Variants in MRTFA observed in about 807,000 individuals in gnomAD.
The protein encoded by MRTFA is myocardin-related transcription factor A.
In MRTFA, 20 loss-of-function variants were observed where a neutral mutation model predicts 83.5. The observed-to-expected ratio is 0.24, with a 90% CI of 0.17 to 0.35. MRTFA has a LOEUF of 0.35. Ranked by LOEUF, MRTFA falls within the 10% of genes least tolerant of loss-of-function variation. MRTFA has a pLI of 1.00. For synonymous variants in MRTFA, 659 were observed against 541.2 expected, an observed-to-expected ratio of 1.22 and a Z score of -3.02; for missense variants, 1,200 against 1,224.7, an observed-to-expected ratio of 0.98 and a Z score of 0.30.
intron 11 of MRTFA, among the ~76,000 whole-genome samples, 184 bp from the exon 12 acceptor site, chr22:40,419,568 TCTCA>T (rs1395094796): frequency 6.6e-6 from 1 of 152,150 alleles, no homozygotes; most frequent in African/African-American, 2.4e-5. Flanking sequence ...CTTTCATTGT[TCTCA>T]CTCTAGCAGG....
At chr22:40,489,222 A>C (rs1308638172) in intron 3 of MRTFA, among the ~76,000 whole-genome samples, 2 of 152,254 alleles carry the variant, frequency 1.3e-5, no homozygotes, top group East Asian at 1.9e-4. Flanking sequence ...GCTTCAGCCC[A>C]AAAGCAGGGA....
intron 4 of MRTFA, among the ~76,000 whole-genome samples, chr22:40,461,865 A>C (rs1405011008): frequency 1.3e-5 from 2 of 151,958 alleles, no homozygotes; most frequent in Admixed American, 1.3e-4. Flanking sequence ...CCCTGGCTCT[A>C]GCCCTGCCCA....
intron 2 of MRTFA, among the ~76,000 whole-genome samples, chr22:40,591,606 A>C (rs1236550791): frequency 1.3e-5 from 2 of 152,198 alleles, no homozygotes; most frequent in Non-Finnish European, 2.9e-5. Context: ...GTAATACTGG[A>C]GTGGGGTAAT....
In MRTFA at chr22:40,432,943, C is replaced by T. The variant is rs187909869; in HGVS notation, c.364-1463G>A. Reference sequence around the variant, plus strand: ...TCTCTAAGCCATCTGAAGCTCTGACCAGTGGCCATGACTGAGGTAGAATAT... The same window carrying T: ...TCTCTAAGCCATCTGAAGCTCTGACTAGTGGCCATGACTGAGGTAGAATAT... On this transcript the variant is annotated intron_variant, in intron 5 of 14. Transcript: ENST00000355630. Among the ~76,000 whole-genome samples, 137 of 152,304 alleles carry T rather than the reference C, an allele frequency of 9.0e-4. 1 individual carries two copies. In the Middle Eastern group the frequency reaches 0.02, roughly 23 times the overall value.
chr22:40,579,548 T>C (rs192073002), intron 2 of MRTFA, among the ~76,000 whole-genome samples: 124 of 152,132 alleles, frequency 8.2e-4, no homozygotes, highest in African/African-American at 2.8e-3. Context: ...CAAGCAGTAT[T>C]CTCACACAAC....
chr22:40,432,209 G>A (rs2053081870), intron 5 of MRTFA, among the ~76,000 whole-genome samples: 1 of 152,032 alleles, frequency 6.6e-6, no homozygotes, highest in African/African-American at 2.4e-5. Context: ...CTGCGCCACT[G>A]CACTCCAGCC....
chr22:40,486,348 T>C (rs2054174701), intron 3 of MRTFA, among the ~76,000 whole-genome samples: 1 of 152,232 alleles, frequency 6.6e-6, no homozygotes, highest in African/African-American at 2.4e-5. Flanking sequence ...GAGTGTTTTG[T>C]AACTATGAGA....
At chr22:40,525,359 T>C (rs928235519) in intron 3 of MRTFA, among the ~76,000 whole-genome samples, 1 of 152,114 alleles carries the variant, frequency 6.6e-6, no homozygotes, top group Non-Finnish European at 1.5e-5. Context: ...AATCTTGCTA[T>C]GTTGCCCAGG....
intron 3 of MRTFA, among the ~76,000 whole-genome samples, chr22:40,497,329 G>A (rs903969139): frequency 4.6e-5 from 7 of 152,168 alleles, no homozygotes; most frequent in African/African-American, 1.7e-4. Context: ...CAAAAGTTAT[G>A]AAAATAACAA....
At chr22:40,490,810 T>C (rs1477955997) in intron 3 of MRTFA, among the ~76,000 whole-genome samples, 1 of 152,190 alleles carries the variant, frequency 6.6e-6, no homozygotes, top group Non-Finnish European at 1.5e-5. Context: ...ACATAATTAT[T>C]ATACATTGTA....
In MRTFA at chr22:40,411,694, T is replaced by C; in HGVS notation, c.2792A>G (p.His931Arg). 1 of 1,595,118 alleles carries C rather than the reference T, an allele frequency of 6.3e-7. No individual in the cohort carries two copies. The highest frequency in any genetic ancestry group is 8.6e-7 in the Non-Finnish European group (1 of 1,168,216). The change falls in exon 15 of 15, where the codon CAT (histidine) becomes CGT (arginine). Residue 931 changes from histidine to arginine, a missense_variant. Coordinates refer to ENST00000355630, the MANE Select transcript of MRTFA (RefSeq NM_020831.6). ...GAGGGAAAGGGGCTCTGGCCCGTCA[T>C]GCCCACTGGTCAGCAGGGGCAGCCC...
chr22:40,492,712 T>C (rs999165050), intron 3 of MRTFA, among the ~76,000 whole-genome samples: 5 of 152,156 alleles, frequency 3.3e-5, no homozygotes, highest in Admixed American at 6.5e-5. Context: ...TTTAAAATGT[T>C]TGAAGATAAA....
At chr22:40,414,068 T>C (rs1013677207) in intron 14 of MRTFA, among the ~76,000 whole-genome samples, 3 of 152,130 alleles carry the variant, frequency 2.0e-5, no homozygotes, top group Non-Finnish European at 4.4e-5. Context: ...GCGGGGTGCG[T>C]TGGCTCATGC....
At chr22:40,492,354 C>G (rs546464177) in intron 3 of MRTFA, among the ~76,000 whole-genome samples, 2 of 147,222 alleles carry the variant, frequency 1.4e-5, no homozygotes, top group African/African-American at 2.7e-5. Flanking sequence ...ATCAGTAACT[C>G]TACTGGCAAA....
At chr22:40,518,485 TAGTAG>T (rs1193118024) in intron 3 of MRTFA, among the ~76,000 whole-genome samples, 1 of 144,908 alleles carries the variant, frequency 6.9e-6, no homozygotes, top group Non-Finnish European at 1.5e-5. Context: ...TTGAAAGGAG[TAGTAG>T]AGTACAGAAA....
intron 1 of MRTFA, among the ~76,000 whole-genome samples, chr22:40,625,625 A>G (rs960356260): frequency 2.0e-5 from 3 of 152,012 alleles, no homozygotes; most frequent in African/African-American, 7.2e-5. Flanking sequence ...TAAAAACACA[A>G]AAATTAGTCG....
intron 2 of MRTFA, among the ~76,000 whole-genome samples, chr22:40,594,008 G>C (rs1186284186): frequency 6.6e-6 from 1 of 152,220 alleles, no homozygotes; most frequent in Non-Finnish European, 1.5e-5. Context: ...AGAGCTGCGT[G>C]AACTGCCATC....
At chr22:40,574,026 A>T (rs2055834245) in intron 2 of MRTFA, among the ~76,000 whole-genome samples, 1 of 152,122 alleles carries the variant, frequency 6.6e-6, no homozygotes, top group Non-Finnish European at 1.5e-5. Flanking sequence ...CTGGGATTAC[A>T]GGGATAAGCC....
chr22:40,454,233 C>T (rs535998547), intron 4 of MRTFA, among the ~76,000 whole-genome samples: 1 of 152,266 alleles, frequency 6.6e-6, no homozygotes, highest in East Asian at 1.9e-4. Flanking sequence ...ATCCTCTTGC[C>T]TCAGCCTCCT....
Sources: allele counts gnomAD v4.1 joint callset (sites outside exome capture counted in the v4.1 genomes callset), GRCh38; gene constraint gnomAD v4.1.1; transcripts MANE v1.5; gene names NCBI Gene and HGNC (gene_info 2026-07-23, HGNC 2026-07-21).